Variants in RTL4 observed in about 807,000 individuals in gnomAD.
RTL4 encodes retrotransposon Gag like 4.
Under a neutral mutation model 5.3 loss-of-function variants are expected in RTL4, and 4 were observed. That is an observed-to-expected ratio of 0.75 (90% confidence interval 0.37 to 1.72). RTL4 has a LOEUF of 1.72. Ranked by LOEUF, RTL4 falls within the 40% of genes most tolerant of loss-of-function variation. The pLI is 0.04. For synonymous variants in RTL4, 98 were observed against 87.3 expected (o/e 1.12, Z -0.68); for missense variants, 260 against 227.1 (o/e 1.14, Z -0.93).
At chrX:112,378,269 G>C in the RTL4 span, among the ~76,000 whole-genome samples, 2 of 111,283 alleles carry the variant, frequency 1.8e-5, no homozygotes, top group South Asian at 3.8e-4. Context: ...TCATAGATGG[G>C]TTAATTCAGT....
the RTL4 span, among the ~76,000 whole-genome samples, chrX:112,361,519 C>T: frequency 1.8e-5 from 2 of 111,247 alleles, no homozygotes; most frequent in South Asian, 3.7e-4. Flanking sequence ...GATTCTAATT[C>T]GACAACTTCC....
chrX:112,182,235 C>A, the RTL4 span, among the ~76,000 whole-genome samples: 1 of 111,795 alleles, frequency 8.9e-6, no homozygotes, highest in Admixed American at 9.5e-5. Context: ...GAAAAACCAG[C>A]ACAAAAAGGC....
At chrX:112,159,497 C>T in the RTL4 span, among the ~76,000 whole-genome samples, 1 of 111,622 alleles carries the variant, frequency 9.0e-6, no homozygotes, top group Non-Finnish European at 1.9e-5. Flanking sequence ...AGACATCCAG[C>T]GGGGAAATAG....
At chrX:112,358,337 G>A in the RTL4 span, among the ~76,000 whole-genome samples, 1 of 107,891 alleles carries the variant, frequency 9.3e-6, no homozygotes, top group Admixed American at 1.0e-4. Context: ...TCCAGCTCCT[G>A]GACTCAAGTG....
the RTL4 span, among the ~76,000 whole-genome samples, chrX:112,230,333 G>A: frequency 8.9e-6 from 1 of 112,504 alleles, no homozygotes; most frequent in African/African-American, 3.2e-5. Context: ...TGAGCCATGT[G>A]GGGGATATAA....
chrX:112,357,611 T>C, the RTL4 span, among the ~76,000 whole-genome samples: 1 of 112,067 alleles, frequency 8.9e-6, no homozygotes, highest in Non-Finnish European at 1.9e-5. Flanking sequence ...CTCAACCCAA[T>C]AGCTACCTAG....
chrX:112,297,449 C>T, the RTL4 span, among the ~76,000 whole-genome samples: 1 of 111,027 alleles, frequency 9.0e-6, no homozygotes, highest in Non-Finnish European at 1.9e-5. Flanking sequence ...AGGAAGAGAG[C>T]AAAGGGGAAG....
the RTL4 span, among the ~76,000 whole-genome samples, chrX:112,224,762 T>C: frequency 1.8e-5 from 2 of 111,592 alleles, no homozygotes; most frequent in Non-Finnish European, 3.8e-5. Context: ...ACAACTACAA[T>C]GGTTACCATT....
At chrX:112,365,406 G>C in the RTL4 span, among the ~76,000 whole-genome samples, 1 of 110,718 alleles carries the variant, frequency 9.0e-6, no homozygotes. Context: ...TCATTTCATA[G>C]AAGCTTTCCC....
chrX:112,344,229 AG>A, the RTL4 span, among the ~76,000 whole-genome samples: 4,362 of 111,753 alleles, frequency 0.039, 228 homozygotes, highest in African/African-American at 0.13. Flanking sequence ...AACTCCCTCA[AG>A]CCCACCTCCC....
the RTL4 span, among the ~76,000 whole-genome samples, chrX:112,249,414 G>A: frequency 4.5e-5 from 5 of 110,770 alleles, no homozygotes; most frequent in African/African-American, 6.6e-5. Context: ...CAACTTGAGT[G>A]AGCCATGGAA....
At chrX:112,260,536 A>G in the RTL4 span, among the ~76,000 whole-genome samples, 5 of 111,397 alleles carry the variant, frequency 4.5e-5, no homozygotes, top group South Asian at 1.9e-3. Context: ...TAAAAGGGGG[A>G]TGGTTGGTTT....
At chrX:112,244,512 C>T in the RTL4 span, among the ~76,000 whole-genome samples, 1 of 111,390 alleles carries the variant, frequency 9.0e-6, no homozygotes, top group Non-Finnish European at 1.9e-5. Flanking sequence ...ACTAGGATTG[C>T]AACCCCTGCC....
At chrX:112,319,793 G>A in the RTL4 span, among the ~76,000 whole-genome samples, 1 of 111,138 alleles carries the variant, frequency 9.0e-6, no homozygotes, top group Non-Finnish European at 1.9e-5. Flanking sequence ...AAATCTATCC[G>A]TGTTGTTGAG....
the RTL4 span, among the ~76,000 whole-genome samples, chrX:112,354,821 T>C: frequency 9.0e-6 from 1 of 111,199 alleles, no homozygotes. Context: ...TGCCAAAAAC[T>C]CTTTGAGGTT....
At chrX:112,446,803 G>C in the RTL4 span, among the ~76,000 whole-genome samples, 1 of 111,627 alleles carries the variant, frequency 9.0e-6, no homozygotes, top group Non-Finnish European at 1.9e-5. Context: ...AGTCAAGATC[G>C]CTCCATTGCA....
chrX:112,167,674 G>GTT, the RTL4 span, among the ~76,000 whole-genome samples: 243 of 99,930 alleles, frequency 2.4e-3, 1 homozygote, highest in African/African-American at 8.3e-3. Flanking sequence ...TAAGTGAGGT[G>GTT]TTTTTTTTTT....
the RTL4 span, among the ~76,000 whole-genome samples, chrX:112,176,517 C>G: frequency 9.0e-6 from 1 of 111,235 alleles, no homozygotes; most frequent in African/African-American, 3.3e-5. Flanking sequence ...AAGCCTCACT[C>G]ATTACTGGGT....
chrX:112,094,261 G>A, the RTL4 span, among the ~76,000 whole-genome samples: 1 of 111,724 alleles, frequency 9.0e-6, no homozygotes, highest in African/African-American at 3.2e-5. Context: ...AATATGGTGG[G>A]TAAGCCAGGG....
Sources: gnomAD v4.1 joint callset for allele counts (sites outside exome capture counted in the v4.1 genomes callset) on GRCh38, gnomAD v4.1.1 for gene constraint, MANE v1.5 for transcripts, NCBI Gene and HGNC (gene_info 2026-07-23, HGNC 2026-07-21) for gene names.